AMBRA1: variants seen among roughly 807,000 people sequenced by gnomAD.
The protein encoded by AMBRA1 is autophagy and beclin 1 regulator 1, also known as activating molecule in BECN1-regulated autophagy protein 1.
A neutral mutation model predicts 125.4 loss-of-function variants in AMBRA1; 47 were observed. The ratio of observed to expected loss-of-function variants is 0.37; its 90% CI spans 0.30 to 0.48. The LOEUF is 0.48. Among genes scored for constraint, AMBRA1 ranks in the 20% least tolerant of loss-of-function variants. AMBRA1 has a pLI of 0.99. For synonymous variants in AMBRA1, 626 were observed against 655.5 expected (o/e 0.95, Z 0.69); for missense variants, 1,331 against 1,693.4 (o/e 0.79, Z 3.76).
intron 12 of AMBRA1, among the ~76,000 whole-genome samples, chr11:46,436,741 G>A (rs1947739359): frequency 2.6e-5 from 4 of 152,214 alleles, no homozygotes; most frequent in Admixed American, 2.6e-4. Flanking sequence ...CAAAGGAACT[G>A]GGAGAAGTTT....
intron 17 of AMBRA1, among the ~76,000 whole-genome samples, chr11:46,403,274 T>G (rs1004937699): frequency 6.6e-6 from 1 of 152,190 alleles, no homozygotes; most frequent in Non-Finnish European, 1.5e-5. Context: ...GAGCTGCCCT[T>G]CCTGACCTCT....
chr11:46,557,533 C>T (rs1485835033), intron 1 of AMBRA1, among the ~76,000 whole-genome samples: 4 of 152,010 alleles, frequency 2.6e-5, no homozygotes, highest in Non-Finnish European at 4.4e-5. Context: ...ACCAGCCAGG[C>T]ACAGTGGCTC....
intron 17 of AMBRA1, among the ~76,000 whole-genome samples, chr11:46,400,477 T>TTTG (rs2136579989): frequency 1.7e-5 from 1 of 60,068 alleles, no homozygotes; most frequent in South Asian, 5.7e-4. Flanking sequence ...TCTATAGTTT[T>TTTG]TTTTTTTTTT....
intron 1 of AMBRA1, among the ~76,000 whole-genome samples, chr11:46,559,823 T>C (rs1274331870): frequency 6.6e-6 from 1 of 152,208 alleles, no homozygotes; most frequent in African/African-American, 2.4e-5. Context: ...AATTTCAAGT[T>C]TTCCTCCAAT....
At chr11:46,572,995 G>A (rs2043818805) in intron 1 of AMBRA1, among the ~76,000 whole-genome samples, 1 of 151,936 alleles carries the variant, frequency 6.6e-6, no homozygotes, top group Non-Finnish European at 1.5e-5. Flanking sequence ...GGAGGCTGCA[G>A]GAGGCTGAGG....
At position 46,542,483 on chromosome 11, in the gene AMBRA1, G is replaced by A. The variant is rs758112902; in HGVS notation, c.1534C>T (p.Arg512Trp). ...AGGCTCTGATCCAGCTCCTGAAGCC[G>A]GTCATACTCCAGAAAGAAGCGTCTC... Reference protein sequence around the residue: ...DLRRFFLEYDRLQELDQSLSG... With the variant: ...DLRRFFLEYDWLQELDQSLSG... Residue 512 changes from arginine (R) to tryptophan (W), a missense_variant, in exon 7 of 18, where the codon CGG becomes TGG. Arg to Trp is a moderately radical substitution (Grantham distance 101, BLOSUM62 -3). Coordinates refer to ENST00000683756, the MANE Select transcript of AMBRA1 (RefSeq NM_001387011.1). The surrounding 1 kb of genome is among the most constrained non-coding windows in gnomAD (Gnocchi z 5.9). 5 of 1,613,702 alleles carry A rather than the reference G, an allele frequency of 3.1e-6. No homozygotes were observed. Among genetic ancestry groups the A allele is most frequent in the Non-Finnish European group, 4.2e-6 (5 of 1,180,014 alleles).
chr11:46,467,263 A>G (rs962703698), intron 11 of AMBRA1, among the ~76,000 whole-genome samples: 9 of 152,064 alleles, frequency 5.9e-5, no homozygotes, highest in Non-Finnish European at 4.4e-5. Flanking sequence ...ATTTCCTATG[A>G]TGGGAGATGA....
chr11:46,472,912 C>T (rs941509168), intron 11 of AMBRA1, among the ~76,000 whole-genome samples: 1 of 152,174 alleles, frequency 6.6e-6, no homozygotes, highest in Non-Finnish European at 1.5e-5. Flanking sequence ...AGTCCCTTAC[C>T]TCTTGCTCAT....
chr11:46,473,635 T>C (rs1590896551), intron 11 of AMBRA1, among the ~76,000 whole-genome samples: 1 of 152,290 alleles, frequency 6.6e-6, no homozygotes, highest in East Asian at 1.9e-4. Context: ...AAATAATGGA[T>C]CCTTTAAGGA....
At chr11:46,413,635 T>C (rs747228939) in intron 15 of AMBRA1, among the ~76,000 whole-genome samples, 1 of 151,908 alleles carries the variant, frequency 6.6e-6, no homozygotes, top group Non-Finnish European at 1.5e-5. Context: ...GGATTACAGG[T>C]GTGTGCCACC....
At chr11:46,459,122 G>A (rs1005777083) in intron 11 of AMBRA1, among the ~76,000 whole-genome samples, 14 of 152,144 alleles carry the variant, frequency 9.2e-5, no homozygotes, top group Non-Finnish European at 1.8e-4. Flanking sequence ...CCACTACTAA[G>A]AATAAAGCAG....
intron 1 of AMBRA1, 33 bp from the exon 2 acceptor site, chr11:46,548,533 C>T: frequency 1.1e-6 from 1 of 885,000 alleles, no homozygotes; most frequent in Non-Finnish European, 1.7e-6. Context: ...CAAAGAACGA[C>T]TTCTGCAACG....
At chr11:46,401,978 C>T (rs1945784577) in intron 17 of AMBRA1, among the ~76,000 whole-genome samples, 1 of 152,182 alleles carries the variant, frequency 6.6e-6, no homozygotes, top group African/African-American at 2.4e-5. Flanking sequence ...CACATTCCTG[C>T]AGGTACCCGG....
Position 46,508,247 on chromosome 11 carries a change from G to A in AMBRA1, c.2283C>T (p.Ser761=), listed in dbSNP as rs781567109. 8 of 1,614,234 alleles carry A rather than the reference G, an allele frequency of 5.0e-6. No individual in the cohort carries two copies. The highest frequency in any genetic ancestry group is 5.9e-6 in the Non-Finnish European group (7 of 1,180,022). The change falls in exon 9 of 18, where the codon TCC becomes TCT. Residue 761 remains serine (S), a synonymous_variant. Coordinates refer to ENST00000683756, the MANE Select transcript of AMBRA1 (RefSeq NM_001387011.1). The stretch of plus-strand genomic sequence containing the variant: ...CTACTGATGGACCCTGGTTGTCTGA[G>A]GAAGAGGAGGAGGTGGAAGAACGGA... ...NRLRSSTSSS[S]SDNQGPSVEG... is the part of the protein sequence containing the mutation.
At chr11:46,592,821 G>A (rs1239162326) in intron 1 of AMBRA1, among the ~76,000 whole-genome samples, 1 of 151,756 alleles carries the variant, frequency 6.6e-6, no homozygotes, top group African/African-American at 2.4e-5. Context: ...CCAGAAAGCA[G>A]ACCCTCACAG....
intron 11 of AMBRA1, among the ~76,000 whole-genome samples, chr11:46,478,082 C>G (rs898064090): frequency 2.0e-5 from 3 of 151,920 alleles, no homozygotes; most frequent in Admixed American, 2.0e-4. Context: ...TGACCTGAGG[C>G]CCAATCTATG....
At chr11:46,425,872 C>T (rs1399557176) in intron 14 of AMBRA1, among the ~76,000 whole-genome samples, 1 of 151,614 alleles carries the variant, frequency 6.6e-6, no homozygotes, top group African/African-American at 2.4e-5. Context: ...GCGGGCTGGG[C>T]GTGGTGTCTC....
At chr11:46,403,632 A>G (rs1565120151) in intron 17 of AMBRA1, among the ~76,000 whole-genome samples, 1 of 152,198 alleles carries the variant, frequency 6.6e-6, no homozygotes, top group African/African-American at 2.4e-5. Flanking sequence ...CAGGGTAGGA[A>G]AGCTTGCTGT....
At chr11:46,593,392 G>T (rs530091894) in intron 1 of AMBRA1, among the ~76,000 whole-genome samples, 9 of 152,186 alleles carry the variant, frequency 5.9e-5, no homozygotes, top group African/African-American at 1.9e-4. Flanking sequence ...AGAGCCAGAG[G>T]GCCTTGTTCC....
Sources: gnomAD v4.1 joint callset for allele counts (sites outside exome capture counted in the v4.1 genomes callset) on GRCh38, gnomAD v4.1.1 for gene constraint, Gnocchi (gnomAD v3.1) non-coding constraint, MANE v1.5 for transcripts, NCBI Gene and HGNC (gene_info 2026-07-23, HGNC 2026-07-21) for gene names.